The following JMJD1C variants were observed in gnomAD, a reference collection of about 807,000 sequenced individuals.
The protein encoded by JMJD1C is jumonji domain containing 1C, also known as jumonji domain-containing protein 1C.
In JMJD1C, 31 loss-of-function variants were observed where a neutral mutation model predicts 245.3. The observed-to-expected ratio is 0.13, with a 90% confidence interval of 0.09 to 0.17. The LOEUF is 0.17. Ranked by LOEUF, JMJD1C falls within the 10% of genes least tolerant of loss-of-function variation. The pLI is 1.00. For synonymous variants in JMJD1C, 1,057 were observed against 1,017.4 expected (o/e 1.04, Z -0.74); for missense variants, 2,691 against 3,000.2 (o/e 0.90, Z 2.41).
At chr10:63,190,061 C>A (rs917442003) in intron 17 of JMJD1C, among the ~76,000 whole-genome samples, 1 of 151,738 alleles carries the variant, frequency 6.6e-6, no homozygotes, top group African/African-American at 2.4e-5. Flanking sequence ...CCATGCCTGG[C>A]TAATTTTTGT....
chr10:63,212,625 A>G (rs982539375), intron 8 of JMJD1C, among the ~76,000 whole-genome samples: 3 of 152,142 alleles, frequency 2.0e-5, no homozygotes, highest in African/African-American at 7.2e-5. Flanking sequence ...GGGAATCTGT[A>G]ACCTTGAGCA....
chr10:63,376,726 A>G (rs1208428243), intron 2 of JMJD1C, among the ~76,000 whole-genome samples: 2 of 152,238 alleles, frequency 1.3e-5, no homozygotes, highest in African/African-American at 4.8e-5. Flanking sequence ...CCACAATGAC[A>G]TGCCATTTCA....
chr10:63,293,601 T>A (rs1043138808), intron 2 of JMJD1C, among the ~76,000 whole-genome samples: 1 of 152,188 alleles, frequency 6.6e-6, no homozygotes, highest in Non-Finnish European at 1.5e-5. Context: ...TATAATCACA[T>A]GTGATCTAGC....
chr10:63,450,211 AT>A (rs555430727), intron 1 of JMJD1C, among the ~76,000 whole-genome samples: 70 of 147,362 alleles, frequency 4.8e-4, no homozygotes, highest in Admixed American at 6.8e-4. Flanking sequence ...TCACAAAATA[AT>A]TTTTTTTTTT....
chr10:63,168,664 C>A lies in JMJD1C; in HGVS notation c.7402-98G>T, dbSNP rs150363004. On this transcript the variant is annotated intron_variant, in intron 24 of 25. Coordinates refer to ENST00000399262, the MANE Select transcript of JMJD1C (RefSeq NM_032776.3). The stretch of plus-strand genomic sequence containing the variant: ...CCAATAAACACAAGAGACAATTCTG[C>A]TGGAGAATTTACTTTCTCCAAAACA... 5 of 1,096,016 alleles carry A rather than the reference C, an allele frequency of 4.6e-6. No individual in the cohort carries two copies. In the African/African-American group the frequency reaches 8.1e-5, roughly 18 times the overall value. 67.9% of individuals were successfully genotyped at this position (1,096,016 alleles called of 1,614,324 possible).
At chr10:63,177,936 C>A (rs1183436762) in intron 22 of JMJD1C, 80 bp from the exon 23 acceptor site, 7 of 1,419,844 alleles carry the variant, frequency 4.9e-6, no homozygotes, top group Non-Finnish European at 6.7e-6. Context: ...TCTATCAGAG[C>A]AGCAGAGTGC....
At chr10:63,177,334 CTA>C (rs1842953199) in intron 23 of JMJD1C, 1 of 229,854 alleles carries the variant, frequency 4.4e-6, no homozygotes, top group African/African-American at 2.4e-5. Context: ...CCAAAAATAT[CTA>C]TCAGATTCAA....
chr10:63,291,159 T>A (rs1858635004), intron 2 of JMJD1C, among the ~76,000 whole-genome samples: 1 of 149,584 alleles, frequency 6.7e-6, no homozygotes, highest in African/African-American at 2.5e-5. Context: ...ACAAAAAAAA[T>A]TAGCTAGGCA....
intron 2 of JMJD1C, among the ~76,000 whole-genome samples, chr10:63,335,763 G>A (rs1256758711): frequency 1.3e-5 from 2 of 151,980 alleles, no homozygotes; most frequent in East Asian, 1.9e-4. Context: ...TGCCTGCCTC[G>A]GCCTCCCGAA....
chr10:63,268,731 A>G (rs2133816089), intron 2 of JMJD1C: 1 of 985,186 alleles, frequency 1.0e-6, no homozygotes, highest in Non-Finnish European at 1.2e-6. Context: ...AAGGTCAGTA[A>G]GTATTTGCTG....
chr10:63,294,568 G>A (rs529142690), intron 2 of JMJD1C, among the ~76,000 whole-genome samples: 4 of 152,294 alleles, frequency 2.6e-5, no homozygotes, highest in Non-Finnish European at 5.9e-5. Flanking sequence ...ACAGGCCTGA[G>A]CCACTGCACC....
chr10:63,172,364 T>C (rs1373716775), intron 24 of JMJD1C, among the ~76,000 whole-genome samples: 1 of 152,212 alleles, frequency 6.6e-6, no homozygotes, highest in Non-Finnish European at 1.5e-5. Context: ...TTACATGTTT[T>C]ACAAAAAGCC....
At chr10:63,417,339 G>A (rs1236145815) in intron 1 of JMJD1C, among the ~76,000 whole-genome samples, 1 of 152,132 alleles carries the variant, frequency 6.6e-6, no homozygotes, top group Non-Finnish European at 1.5e-5. Flanking sequence ...AACTTAAAAT[G>A]CTTTTTCCTT....
intron 1 of JMJD1C, among the ~76,000 whole-genome samples, chr10:63,460,920 T>C (rs1161115251): frequency 1.3e-5 from 2 of 152,220 alleles, no homozygotes; most frequent in African/African-American, 4.8e-5. Flanking sequence ...TGGAACTTAC[T>C]GAATTCCCTA....
At chr10:63,371,857 G>A (rs950863524) in intron 2 of JMJD1C, among the ~76,000 whole-genome samples, 3 of 152,084 alleles carry the variant, frequency 2.0e-5, no homozygotes, top group African/African-American at 4.8e-5. Flanking sequence ...CAATCCTGAA[G>A]TTATATTGTC....
intron 10 of JMJD1C, among the ~76,000 whole-genome samples, chr10:63,205,250 G>C (rs1846460650): frequency 6.6e-6 from 1 of 152,088 alleles, no homozygotes; most frequent in African/African-American, 2.4e-5. Context: ...TTTACCTATT[G>C]TTAAGGACTG....
chr10:63,184,766 TAA>T (rs1843915641), intron 20 of JMJD1C, 28 bp from the exon 21 acceptor site: 1 of 1,584,104 alleles, frequency 6.3e-7, no homozygotes, highest in African/African-American at 1.4e-5. Flanking sequence ...TGCCTTCTTA[TAA>T]ATAAAGATTT....
At chr10:63,172,488 T>C (rs1050451090) in intron 24 of JMJD1C, among the ~76,000 whole-genome samples, 1 of 152,170 alleles carries the variant, frequency 6.6e-6, no homozygotes, top group Non-Finnish European at 1.5e-5. Flanking sequence ...TTATTAATAA[T>C]ACAAACATTA....
chr10:63,331,115 A>G (rs1381536274), intron 2 of JMJD1C, among the ~76,000 whole-genome samples: 2 of 152,190 alleles, frequency 1.3e-5, no homozygotes, highest in African/African-American at 4.8e-5. Flanking sequence ...CAATGCTAGT[A>G]TCTCCAACAT....
Sources: allele counts gnomAD v4.1 joint callset (sites outside exome capture counted in the v4.1 genomes callset), GRCh38; gene constraint gnomAD v4.1.1; transcripts MANE v1.5; gene names NCBI Gene and HGNC (gene_info 2026-07-23, HGNC 2026-07-21).